CTNND2: variants seen among roughly 807,000 people sequenced by gnomAD.
CTNND2 encodes catenin delta-2.
In CTNND2, 22 loss-of-function variants were observed where a neutral mutation model predicts 144.4. The observed-to-expected ratio is 0.15, with a 90% CI of 0.11 to 0.22. CTNND2 has a LOEUF of 0.22. CTNND2 is among the 10% of genes least tolerant of loss of function. The probability of loss-of-function intolerance (pLI) is 1.00; values close to 1 mark genes in which losing one functional copy is unlikely to be tolerated. For missense variants in CTNND2, 1,353 were observed against 1,618.8 expected, an observed-to-expected ratio of 0.84 and a Z score of 2.82; for synonymous variants, 751 against 695.6, an observed-to-expected ratio of 1.08 and a Z score of -1.25.
At chr5:11,683,661 A>G (rs551616307) in intron 2 of CTNND2, among the ~76,000 whole-genome samples, 2 of 152,336 alleles carry the variant, frequency 1.3e-5, no homozygotes, top group South Asian at 4.1e-4. Flanking sequence ...ACTAATGCAT[A>G]TCTTCTTGAA....
chr5:11,681,127 C>G (rs1436296771), intron 2 of CTNND2, among the ~76,000 whole-genome samples: 1 of 152,072 alleles, frequency 6.6e-6, no homozygotes, highest in Non-Finnish European at 1.5e-5. Context: ...AATTCTACCC[C>G]CAGTTGTGTA....
At chr5:11,621,275 C>G (rs1780823066) in intron 2 of CTNND2, among the ~76,000 whole-genome samples, 1 of 151,980 alleles carries the variant, frequency 6.6e-6, no homozygotes, top group Non-Finnish European at 1.5e-5. Flanking sequence ...AATATTCTGG[C>G]AATGCAAAAA....
chr5:11,245,538 G>A (rs1256561341), intron 9 of CTNND2, among the ~76,000 whole-genome samples: 1 of 152,144 alleles, frequency 6.6e-6, no homozygotes, highest in Non-Finnish European at 1.5e-5. Flanking sequence ...GAGCCAAGGG[G>A]TGCAAGGAAT....
intron 1 of CTNND2, among the ~76,000 whole-genome samples, chr5:11,855,314 T>C (rs1795202732): frequency 6.6e-6 from 1 of 152,174 alleles, no homozygotes; most frequent in Non-Finnish European, 1.5e-5. Context: ...CTACCTTTCC[T>C]GTGTGTATAA....
At chr5:11,332,875 T>C (rs1753314573) in intron 9 of CTNND2, among the ~76,000 whole-genome samples, 2 of 152,218 alleles carry the variant, frequency 1.3e-5, no homozygotes. Flanking sequence ...TCATGAGATC[T>C]GATGGTTTTA....
intron 11 of CTNND2, among the ~76,000 whole-genome samples, chr5:11,181,275 T>G (rs1760968028): frequency 6.6e-6 from 1 of 152,158 alleles, no homozygotes; most frequent in Non-Finnish European, 1.5e-5. Context: ...GTATAAGAAG[T>G]GCTCTTCAGG....
chr5:11,087,686 G>T (rs1341854964), intron 15 of CTNND2, among the ~76,000 whole-genome samples: 2 of 132,988 alleles, frequency 1.5e-5, no homozygotes, highest in African/African-American at 5.5e-5. Context: ...TGTTAGTAAA[G>T]AAATAAATCA....
chr5:11,722,430 G>A (rs1451764118), intron 2 of CTNND2, among the ~76,000 whole-genome samples: 2 of 152,162 alleles, frequency 1.3e-5, no homozygotes, highest in Non-Finnish European at 2.9e-5. Context: ...AAGGAAATGT[G>A]CTAAAATAAA....
At chr5:11,646,874 T>C (rs1782385133) in intron 2 of CTNND2, among the ~76,000 whole-genome samples, 1 of 152,170 alleles carries the variant, frequency 6.6e-6, no homozygotes, top group African/African-American at 2.4e-5. Context: ...CCCTGGTCTC[T>C]CACTGCTCAG....
chr5:11,412,984 T>G (rs1761662678), intron 3 of CTNND2, among the ~76,000 whole-genome samples: 1 of 152,144 alleles, frequency 6.6e-6, no homozygotes, highest in South Asian at 2.1e-4. Context: ...CTGAATACAT[T>G]TACGGAGAAA....
chr5:11,506,453 A>G (rs1771042972), intron 3 of CTNND2, among the ~76,000 whole-genome samples: 1 of 152,242 alleles, frequency 6.6e-6, no homozygotes, highest in African/African-American at 2.4e-5. Flanking sequence ...AAAATAGCCA[A>G]AATGTAGGAT....
intron 1 of CTNND2, among the ~76,000 whole-genome samples, chr5:11,745,411 G>T (rs1040742136): frequency 2.0e-5 from 3 of 152,138 alleles, no homozygotes; most frequent in African/African-American, 7.2e-5. Context: ...AAGGCCACTG[G>T]CATACGTATA....
intron 8 of CTNND2, among the ~76,000 whole-genome samples, chr5:11,353,803 CAA>C (rs762692283): frequency 8.2e-6 from 1 of 121,530 alleles, no homozygotes; most frequent in African/African-American, 3.0e-5. Context: ...GACTCCATTT[CAA>C]AAAAAAAAAA....
chr5:11,623,428 CTT>C (rs1228047575), intron 2 of CTNND2, among the ~76,000 whole-genome samples: 3 of 151,946 alleles, frequency 2.0e-5, no homozygotes, highest in Admixed American at 6.6e-5. Flanking sequence ...CTCATTCTCT[CTT>C]GTTTGCCGCC....
At chr5:11,005,092 T>C (rs988259373) in intron 18 of CTNND2, among the ~76,000 whole-genome samples, 47 of 152,084 alleles carry the variant, frequency 3.1e-4, no homozygotes, top group African/African-American at 1.1e-3. Context: ...AGTCAGGAAG[T>C]TTTTCTGGAG....
intron 3 of CTNND2, among the ~76,000 whole-genome samples, chr5:11,548,090 G>C (rs545711567): frequency 2.6e-5 from 4 of 152,152 alleles, no homozygotes; most frequent in Non-Finnish European, 5.9e-5. Context: ...CAGCACCCAC[G>C]ACACCATGGG....
rs112324949 is a variant in CTNND2, at chr5:11,022,972, G to A, written c.2796C>T (p.Tyr932=). The A allele has an allele frequency of 9.9e-5, 160 of 1,614,036 alleles. No individual in the cohort carries two copies. The highest frequency in any genetic ancestry group is 6.0e-4 in the African/African-American group (45 of 75,052). Residue 932 remains tyrosine (Y), a synonymous_variant, in exon 17 of 22, where the codon TAC becomes TAT. Coordinates refer to ENST00000304623, the MANE Select transcript of CTNND2 (RefSeq NM_001332.4). ...DVRNKELIGK[Y]AMRDLVHRLP... ...GCCTGTGGACTAGGTCTCGCATGGC[G>A]TATTTGCCTGGAAAAGAAAATAAAG...
At chr5:11,488,307 A>G (rs1769035956) in intron 3 of CTNND2, among the ~76,000 whole-genome samples, 1 of 152,172 alleles carries the variant, frequency 6.6e-6, no homozygotes, top group Non-Finnish European at 1.5e-5. Flanking sequence ...ATACCCACTA[A>G]AATATATAAT....
intron 3 of CTNND2, among the ~76,000 whole-genome samples, chr5:11,413,199 C>T (rs1182291731): frequency 6.6e-6 from 1 of 152,022 alleles, no homozygotes; most frequent in Non-Finnish European, 1.5e-5. Flanking sequence ...CAAATTCAGT[C>T]CAATGCAACT....
Sources: gnomAD v4.1 joint callset for allele counts (sites outside exome capture counted in the v4.1 genomes callset) on GRCh38, gnomAD v4.1.1 for gene constraint, MANE v1.5 for transcripts, NCBI Gene and HGNC (gene_info 2026-07-23, HGNC 2026-07-21) for gene names.